Variants in FRAS1 observed in about 807,000 individuals in gnomAD.
FRAS1 encodes the protein extracellular matrix organizing protein FRAS1.
FRAS1 carries 290 observed loss-of-function variants against 435.2 expected under a neutral mutation model. The ratio of observed to expected loss-of-function variants is 0.67; its 90% CI spans 0.61 to 0.73. The LOEUF (loss-of-function observed/expected upper bound fraction) is 0.73, where lower values mean the gene tolerates loss of function less well. Ranked by LOEUF, FRAS1 falls within the 30% of genes least tolerant of loss-of-function variation. The probability of loss-of-function intolerance (pLI) is 0.00; values close to 1 mark genes in which losing one functional copy is unlikely to be tolerated. For missense variants in FRAS1, 4,860 were observed against 5,001.5 expected (o/e 0.97, Z 0.85); for synonymous variants, 1,800 against 1,851.0 (o/e 0.97, Z 0.71).
At chr4:78,141,025 T>C (rs1202158925) in intron 2 of FRAS1, among the ~76,000 whole-genome samples, 3 of 152,156 alleles carry the variant, frequency 2.0e-5, no homozygotes, top group African/African-American at 4.8e-5. Context: ...TCTACTCTCA[T>C]AGAAGTTGAA....
At chr4:78,497,085 A>C in intron 60 of FRAS1, 124 bp downstream of exon 60, 1 of 750,150 alleles carries the variant, frequency 1.3e-6, no homozygotes, top group Non-Finnish European at 2.1e-6. Flanking sequence ...CATTCTCTGA[A>C]TATTTATATA....
chr4:78,307,621 G>A (rs371893363), intron 14 of FRAS1, among the ~76,000 whole-genome samples: 3 of 152,348 alleles, frequency 2.0e-5, no homozygotes, highest in East Asian at 3.9e-4. Flanking sequence ...CGATTTTCCA[G>A]GTGCCGTCTG....
intron 10 of FRAS1, among the ~76,000 whole-genome samples, chr4:78,280,416 C>CTTAG (rs1359724110): frequency 1.3e-5 from 2 of 152,078 alleles, no homozygotes; most frequent in Admixed American, 1.3e-4. Flanking sequence ...TTTCACCCTA[C>CTTAG]TTAGAATGGC....
At chr4:78,179,399 G>A (rs555236406) in intron 2 of FRAS1, among the ~76,000 whole-genome samples, 1 of 152,302 alleles carries the variant, frequency 6.6e-6, no homozygotes, top group South Asian at 2.1e-4. Context: ...GTTATGCCAA[G>A]ACATGGCTCA....
intron 32 of FRAS1, among the ~76,000 whole-genome samples, chr4:78,416,691 C>A (rs910002267): frequency 3.3e-5 from 5 of 152,084 alleles, no homozygotes; most frequent in African/African-American, 1.2e-4. Flanking sequence ...GGTCACGCAG[C>A]ATTTCATAGG....
intron 4 of FRAS1, 78 bp downstream of exon 4, chr4:78,245,403 T>C (rs1725188678): frequency 3.0e-6 from 3 of 1,014,424 alleles, no homozygotes; most frequent in Admixed American, 2.0e-5. Flanking sequence ...TAAACTTGTG[T>C]TGATGAGAGT....
At chr4:78,469,252 C>T (rs569260465) in intron 50 of FRAS1, among the ~76,000 whole-genome samples, 3 of 152,284 alleles carry the variant, frequency 2.0e-5, no homozygotes, top group East Asian at 1.9e-4. Flanking sequence ...GAAAAGCCAA[C>T]GTCTCATTGC....
intron 2 of FRAS1, among the ~76,000 whole-genome samples, chr4:78,099,882 G>A (rs530722716): frequency 7.2e-5 from 11 of 152,176 alleles, no homozygotes; most frequent in African/African-American, 2.2e-4. Flanking sequence ...GTGTAGCATT[G>A]TAGTCACCTT....
At chr4:78,332,709 C>G (rs1363545761) in intron 18 of FRAS1, among the ~76,000 whole-genome samples, 1 of 84,598 alleles carries the variant, frequency 1.2e-5, no homozygotes. Context: ...ATTCTCTGTG[C>G]TATACTCTTT....
chr4:78,096,711 A>G (rs925101385), intron 2 of FRAS1, among the ~76,000 whole-genome samples: 3 of 152,112 alleles, frequency 2.0e-5, no homozygotes, highest in Non-Finnish European at 4.4e-5. Flanking sequence ...GCTCAGAGGC[A>G]GGGCACCAAA....
intron 2 of FRAS1, among the ~76,000 whole-genome samples, chr4:78,085,829 G>A (rs1741129429): frequency 6.6e-6 from 1 of 152,158 alleles, no homozygotes; most frequent in Non-Finnish European, 1.5e-5. Context: ...AATAATGGGA[G>A]ACTTTAACAC....
At chr4:78,257,611 A>T (rs1308554502) in intron 6 of FRAS1, among the ~76,000 whole-genome samples, 1 of 152,196 alleles carries the variant, frequency 6.6e-6, no homozygotes, top group Admixed American at 6.5e-5. Context: ...GCAAGGGTGG[A>T]CAAGCTGAAA....
chr4:78,394,467 C>T (rs1351844162), intron 29 of FRAS1, among the ~76,000 whole-genome samples: 3 of 151,832 alleles, frequency 2.0e-5, no homozygotes, highest in Non-Finnish European at 2.9e-5. Context: ...TTCTTTTCTC[C>T]TTTCCTTATT....
Position 78,387,477 on chromosome 4 carries a change from G to T in FRAS1, c.3751G>T (p.Asp1251Tyr), listed in dbSNP as rs1310535882. The part of the protein sequence containing the change: ...LDIRDDDNPQ[D>Y]VVIEIIDPPL... ...CATCCGAGATGATGACAACCCACAG[G>T]ATGTGGTCATTGAAATAATCGATCC... The change falls in exon 29 of 74, where the codon GAT becomes TAT. Residue 1251 changes from aspartate (D) to tyrosine (Y), a missense_variant. Physicochemically the swap from Asp to Tyr is radical, Grantham distance 160 (BLOSUM62 -3). Coordinates refer to ENST00000512123, the MANE Select transcript of FRAS1 (RefSeq NM_025074.7). The T allele has an allele frequency of 6.2e-7, 1 of 1,613,530 alleles. No homozygotes were observed. Among genetic ancestry groups the T allele is most frequent in the East Asian group, 2.2e-5 (1 of 44,850 alleles).
intron 70 of FRAS1, among the ~76,000 whole-genome samples, chr4:78,528,322 A>C (rs781331760): frequency 6.6e-6 from 1 of 152,188 alleles, no homozygotes; most frequent in African/African-American, 2.4e-5. Context: ...CTATGTATAC[A>C]CTTGTGAAAC....
At chr4:78,354,811 T>C (rs1232055609) in intron 20 of FRAS1, among the ~76,000 whole-genome samples, 1 of 152,196 alleles carries the variant, frequency 6.6e-6, no homozygotes, top group Non-Finnish European at 1.5e-5. Context: ...AAAACCAACA[T>C]CCAAAGCCAT....
chr4:78,272,454 T>G (rs1278521197), intron 9 of FRAS1, among the ~76,000 whole-genome samples: 2 of 152,210 alleles, frequency 1.3e-5, no homozygotes, highest in Admixed American at 1.3e-4. Context: ...GGTCTGCCAT[T>G]TAAGTCTTTA....
intron 28 of FRAS1, among the ~76,000 whole-genome samples, chr4:78,385,898 A>G (rs1447535411): frequency 6.6e-6 from 1 of 152,030 alleles, no homozygotes; most frequent in African/African-American, 2.4e-5. Flanking sequence ...AAAAAAAAAA[A>G]AAGCTGAAAC....
intron 16 of FRAS1, 47 bp downstream of exon 16, chr4:78,315,781 T>C: frequency 1.9e-6 from 3 of 1,603,272 alleles, no homozygotes; most frequent in Non-Finnish European, 2.6e-6. Flanking sequence ...ATTGAGTACA[T>C]GTTTGACTAT....
Sources: gnomAD v4.1 joint callset for allele counts (sites outside exome capture counted in the v4.1 genomes callset) on GRCh38, gnomAD v4.1.1 for gene constraint, MANE v1.5 for transcripts, NCBI Gene and HGNC (gene_info 2026-07-23, HGNC 2026-07-21) for gene names.